Variants in SPMIP2 observed in about 807,000 individuals in gnomAD.
The protein encoded by SPMIP2 is protein SPMIP2.
chr4:158,908,940 A>G, the SPMIP2 span, among the ~76,000 whole-genome samples: 1 of 152,146 alleles, frequency 6.6e-6, no homozygotes, highest in East Asian at 1.9e-4. Flanking sequence ...TGCCCACCTC[A>G]GCCTCCCAAA....
the SPMIP2 span, chr4:158,915,383 T>C: frequency 4.4e-6 from 7 of 1,579,410 alleles, no homozygotes; most frequent in Non-Finnish European, 6.0e-6. Context: ...AAATTGGTTC[T>C]GAAATGGAAA....
the SPMIP2 span, among the ~76,000 whole-genome samples, chr4:159,070,847 T>C: frequency 6.6e-6 from 1 of 152,166 alleles, no homozygotes; most frequent in Non-Finnish European, 1.5e-5. Flanking sequence ...GTGGCACTTA[T>C]TTGGTTTTAT....
chr4:159,039,357 T>C, the SPMIP2 span, among the ~76,000 whole-genome samples: 5 of 152,078 alleles, frequency 3.3e-5, no homozygotes, highest in African/African-American at 9.7e-5. Context: ...CAGGAAACTG[T>C]TGAAGTGGCC....
chr4:159,061,925 T>G, the SPMIP2 span, among the ~76,000 whole-genome samples: 1 of 151,632 alleles, frequency 6.6e-6, no homozygotes, highest in Admixed American at 6.6e-5. Context: ...AGCATGGCAG[T>G]ACTGAGTGAT....
At chr4:158,900,538 G>C in the SPMIP2 span, among the ~76,000 whole-genome samples, 8 of 152,270 alleles carry the variant, frequency 5.3e-5, no homozygotes, top group South Asian at 1.7e-3. Flanking sequence ...GTTGCATGTA[G>C]ATTTAGGATA....
At chr4:158,901,179 C>A in the SPMIP2 span, among the ~76,000 whole-genome samples, 1 of 136,810 alleles carries the variant, frequency 7.3e-6, no homozygotes, top group Non-Finnish European at 1.5e-5. Context: ...GTTGCCCAGG[C>A]TGGAGTGCAG....
chr4:158,910,170 C>G, the SPMIP2 span, among the ~76,000 whole-genome samples: 3 of 152,182 alleles, frequency 2.0e-5, no homozygotes, highest in Non-Finnish European at 4.4e-5. Flanking sequence ...CATGAGCCAC[C>G]AGGTCTGGCC....
At chr4:158,921,481 A>G in the SPMIP2 span, among the ~76,000 whole-genome samples, 186 of 152,134 alleles carry the variant, frequency 1.2e-3, 1 homozygote, top group Non-Finnish European at 2.1e-3. Context: ...AGAAAAAAAG[A>G]AAGTGTATAG....
the SPMIP2 span, among the ~76,000 whole-genome samples, chr4:159,075,735 T>G: frequency 6.6e-6 from 1 of 151,906 alleles, no homozygotes; most frequent in South Asian, 2.1e-4. Context: ...TAGATCCAAT[T>G]AAAATAGTGA....
the SPMIP2 span, among the ~76,000 whole-genome samples, chr4:159,020,646 C>T: frequency 6.6e-6 from 1 of 152,162 alleles, no homozygotes; most frequent in African/African-American, 2.4e-5. Context: ...AACAGATGGT[C>T]CTTAATTTTC....
chr4:158,915,048 C>T, the SPMIP2 span: 8 of 833,400 alleles, frequency 9.6e-6, no homozygotes, highest in East Asian at 1.1e-4. Flanking sequence ...CAAAATGCTT[C>T]GATAGGTTAA....
chr4:159,009,524 A>G, the SPMIP2 span, among the ~76,000 whole-genome samples: 1 of 152,236 alleles, frequency 6.6e-6, no homozygotes, highest in Admixed American at 6.5e-5. Flanking sequence ...CATTCTTCAA[A>G]GCATCTAATT....
the SPMIP2 span, among the ~76,000 whole-genome samples, chr4:158,950,408 C>T: frequency 6.6e-6 from 1 of 152,148 alleles, no homozygotes; most frequent in East Asian, 1.9e-4. Context: ...TAAACCACAG[C>T]CATTTGAGCT....
chr4:158,946,576 C>T, the SPMIP2 span, among the ~76,000 whole-genome samples: 1 of 152,186 alleles, frequency 6.6e-6, no homozygotes, highest in Non-Finnish European at 1.5e-5. Flanking sequence ...CTTTCGCCTT[C>T]TGCCACAATT....
the SPMIP2 span, among the ~76,000 whole-genome samples, chr4:159,060,514 T>C: frequency 1.3e-5 from 2 of 152,024 alleles, no homozygotes; most frequent in African/African-American, 4.8e-5. Flanking sequence ...ACTGGAAGAG[T>C]GTTAGTAACG....
chr4:159,042,498 A>G, the SPMIP2 span, among the ~76,000 whole-genome samples: 1 of 152,306 alleles, frequency 6.6e-6, no homozygotes, highest in Admixed American at 6.5e-5. Context: ...CCTTGGCTCA[A>G]CGAGAAGGGA....
At chr4:159,078,762 T>C in the SPMIP2 span, among the ~76,000 whole-genome samples, 1 of 152,186 alleles carries the variant, frequency 6.6e-6, no homozygotes, top group African/African-American at 2.4e-5. Flanking sequence ...CCTACACAAC[T>C]TGAACATTAC....
chr4:158,979,696 G>A, the SPMIP2 span, among the ~76,000 whole-genome samples: 1 of 151,948 alleles, frequency 6.6e-6, no homozygotes, highest in South Asian at 2.1e-4. Flanking sequence ...CCACAGATCA[G>A]GAGATTCCCT....
chr4:159,037,823 CACACATAT>C, the SPMIP2 span, among the ~76,000 whole-genome samples: 1 of 143,718 alleles, frequency 7.0e-6, no homozygotes, highest in African/African-American at 2.6e-5. Context: ...CACACACACA[CACACATAT>C]ATATATGTAT....
Sources: gnomAD v4.1 joint callset for allele counts (sites outside exome capture counted in the v4.1 genomes callset) on GRCh38, gnomAD v4.1.1 for gene constraint, MANE v1.5 for transcripts, NCBI Gene and HGNC (gene_info 2026-07-23, HGNC 2026-07-21) for gene names.